ADD3: variants seen among roughly 807,000 people sequenced by gnomAD.
ADD3 encodes gamma-adducin.
ADD3 carries 25 observed loss-of-function variants against 80.2 expected under a neutral mutation model. The ratio of observed to expected loss-of-function variants is 0.31; its 90% confidence interval spans 0.23 to 0.44. The LOEUF is 0.44. Among genes scored for constraint, ADD3 ranks in the 20% least tolerant of loss-of-function variants. The probability of loss-of-function intolerance (pLI) is 1.00; values close to 1 mark genes in which losing one functional copy is unlikely to be tolerated. For synonymous variants in ADD3, 284 were observed against 289.6 expected, an observed-to-expected ratio of 0.98 and a Z score of 0.20; for missense variants, 829 against 847.5, an observed-to-expected ratio of 0.98 and a Z score of 0.27.
intron 1 of ADD3, among the ~76,000 whole-genome samples, chr10:110,064,702 T>TGAA (rs1843692829): frequency 6.6e-6 from 1 of 152,208 alleles, no homozygotes; most frequent in Non-Finnish European, 1.5e-5. Context: ...AGCTGTCTCT[T>TGAA]CCCTTTTTCT....
intron 10 of ADD3, 26 bp downstream of exon 10, chr10:110,124,300 CCTT>C (rs753249650): frequency 2.5e-6 from 4 of 1,601,456 alleles, no homozygotes; most frequent in Non-Finnish European, 2.6e-6. Flanking sequence ...ATGTAGTTTG[CCTT>C]TACTAAATAT....
At chr10:110,023,406 A>G (rs569101441) in intron 1 of ADD3, among the ~76,000 whole-genome samples, 1 of 152,348 alleles carries the variant, frequency 6.6e-6, no homozygotes, top group East Asian at 1.9e-4. Flanking sequence ...GTTTGTTGCT[A>G]TATTATAAGC....
intron 1 of ADD3, among the ~76,000 whole-genome samples, chr10:110,100,349 CAA>C (rs750807063): frequency 1.0e-3 from 77 of 74,968 alleles, no homozygotes; most frequent in Non-Finnish European, 1.8e-3. Flanking sequence ...GACTCCATCT[CAA>C]AAAAAAAAAA....
At chr10:110,128,798 T>C (rs769847669) in intron 12 of ADD3, among the ~76,000 whole-genome samples, 19 of 152,352 alleles carry the variant, frequency 1.2e-4, no homozygotes, top group Non-Finnish European at 1.2e-4. Context: ...TTTCTCTTAT[T>C]GCTCTAAGGG....
chr10:110,013,399 G>A (rs577051090), intron 1 of ADD3, among the ~76,000 whole-genome samples: 9 of 152,246 alleles, frequency 5.9e-5, no homozygotes, highest in African/African-American at 1.9e-4. Context: ...CACTGCACTC[G>A]GCCAAGGCTA....
intron 1 of ADD3, among the ~76,000 whole-genome samples, chr10:110,056,326 GT>G (rs898804440): frequency 6.6e-6 from 1 of 152,146 alleles, no homozygotes; most frequent in African/African-American, 2.4e-5. Flanking sequence ...TGAATGATAT[GT>G]TTTCTAATCA....
chr10:110,066,863 G>T (rs1037910512), intron 1 of ADD3, among the ~76,000 whole-genome samples: 1 of 152,070 alleles, frequency 6.6e-6, no homozygotes, highest in African/African-American at 2.4e-5. Context: ...CTTACTAGTG[G>T]TGTGATCTAT....
At chr10:110,030,340 G>T (rs1445863536) in intron 1 of ADD3, among the ~76,000 whole-genome samples, 1 of 143,278 alleles carries the variant, frequency 7.0e-6, no homozygotes, top group African/African-American at 2.7e-5. Context: ...AAAAAAAAAA[G>T]AAAGTGGTGA....
intron 1 of ADD3, among the ~76,000 whole-genome samples, chr10:110,065,099 A>G (rs1843737679): frequency 2.0e-5 from 3 of 152,178 alleles, no homozygotes. Context: ...CTTCCATCCC[A>G]GCCTGCCCTT....
At chr10:110,114,577 T>C (rs192714646) in intron 3 of ADD3, among the ~76,000 whole-genome samples, 1 of 152,130 alleles carries the variant, frequency 6.6e-6, no homozygotes. Context: ...AGTCATGAAA[T>C]GTGGTGACAA....
In ADD3 at chr10:110,099,067, A is replaced by G. The variant is rs201847714; in HGVS notation, c.-29-1558A>G. Among the ~76,000 whole-genome samples the G allele has an allele frequency of 1.9e-4, 28 of 147,114 alleles. No homozygotes were observed. In the East Asian group the frequency reaches 5.4e-3, roughly 28 times the overall value. On this transcript the variant is annotated intron_variant, in intron 1 of 14. Transcript: ENST00000356080. Reference sequence around the variant, plus strand: ...CCTGAGTAGCTAGGACTACAGGTGCATGCCAACACGCCTGGCTTTTTTTTT... The same window carrying G: ...CCTGAGTAGCTAGGACTACAGGTGCGTGCCAACACGCCTGGCTTTTTTTTT...
chr10:110,132,630 A>C (rs534933790), intron 14 of ADD3: 16 of 462,336 alleles, frequency 3.5e-5, no homozygotes, highest in African/African-American at 2.8e-4. Context: ...CGCAGTTCTT[A>C]AGAATTTGTG....
At chr10:110,038,891 A>C (rs1855970738) in intron 1 of ADD3, among the ~76,000 whole-genome samples, 2 of 152,362 alleles carry the variant, frequency 1.3e-5, no homozygotes, top group Non-Finnish European at 2.9e-5. Flanking sequence ...TTATTTGCTT[A>C]GAAAGATGTT....
chr10:110,029,618 TGTG>T (rs1468234947), intron 1 of ADD3, among the ~76,000 whole-genome samples: 2 of 152,224 alleles, frequency 1.3e-5, no homozygotes, highest in Non-Finnish European at 2.9e-5. Context: ...AGCTCACCAA[TGTG>T]TAGGCCTCAT....
chr10:110,004,805 GA>G (rs1393929891), upstream of ADD3, among the ~76,000 whole-genome samples: 4 of 151,848 alleles, frequency 2.6e-5, no homozygotes, highest in Admixed American at 1.3e-4. Context: ...TACTTATAGA[GA>G]AAAAAACATA....
chr10:110,128,223 A>C (rs1852442323), intron 12 of ADD3, among the ~76,000 whole-genome samples: 1 of 151,628 alleles, frequency 6.6e-6, no homozygotes, highest in Non-Finnish European at 1.5e-5. Flanking sequence ...GTGTTTCTTC[A>C]AGAGTGTTTT....
intron 1 of ADD3, among the ~76,000 whole-genome samples, chr10:110,092,872 G>A (rs1377765052): frequency 6.6e-6 from 1 of 151,928 alleles, no homozygotes; most frequent in African/African-American, 2.4e-5. Flanking sequence ...TTTCTTGGAG[G>A]CTGGAGAGAC....
chr10:110,028,983 A>C (rs1266817601), intron 1 of ADD3, among the ~76,000 whole-genome samples: 1 of 151,206 alleles, frequency 6.6e-6, no homozygotes, highest in South Asian at 2.1e-4. Flanking sequence ...GGGTTCAAGC[A>C]GTTCTCATGC....
chr10:110,087,025 T>C (rs1846857819), intron 1 of ADD3, among the ~76,000 whole-genome samples: 1 of 152,078 alleles, frequency 6.6e-6, no homozygotes, highest in Non-Finnish European at 1.5e-5. Context: ...AAGTGGCTTT[T>C]ATTTTTTTTT....
Sources: gnomAD v4.1 joint callset for allele counts (sites outside exome capture counted in the v4.1 genomes callset) on GRCh38, gnomAD v4.1.1 for gene constraint, MANE v1.5 for transcripts, NCBI Gene and HGNC (gene_info 2026-07-23, HGNC 2026-07-21) for gene names.